MALRD1: variants seen among roughly 807,000 people sequenced by gnomAD.
MALRD1 encodes MAM and LDL-receptor class A domain-containing protein 1.
In MALRD1, 247 loss-of-function variants were observed where a neutral mutation model predicts 242.1. The observed-to-expected ratio is 1.02, with a 90% CI of 0.92 to 1.13. MALRD1 has a LOEUF of 1.13. Among genes scored for constraint, MALRD1 ranks in the 50% most tolerant of loss-of-function variants. The pLI is 0.00. For missense variants in MALRD1, 2,989 were observed against 2,533.1 expected (o/e 1.18, Z -3.86); for synonymous variants, 995 against 866.6 (o/e 1.15, Z -2.60).
chr10:19,519,587 A>G (rs1833787381), intron 31 of MALRD1, among the ~76,000 whole-genome samples: 1 of 152,042 alleles, frequency 6.6e-6, no homozygotes, highest in Non-Finnish European at 1.5e-5. Context: ...TGGGAGACAT[A>G]GTGAGACCCT....
At chr10:19,182,252 C>T (rs555997329) in intron 14 of MALRD1, among the ~76,000 whole-genome samples, 63 of 151,062 alleles carry the variant, frequency 4.2e-4, no homozygotes, top group African/African-American at 1.4e-3. Flanking sequence ...CCTCATTTTA[C>T]GAACTTTCTT....
At chr10:19,496,636 T>C (rs1837733218) in intron 30 of MALRD1, among the ~76,000 whole-genome samples, 1 of 152,046 alleles carries the variant, frequency 6.6e-6, no homozygotes, top group Non-Finnish European at 1.5e-5. Context: ...CCTCAAATAA[T>C]CTCAAATTAA....
intron 17 of MALRD1, among the ~76,000 whole-genome samples, chr10:19,207,468 C>G (rs1836833781): frequency 6.6e-6 from 1 of 151,984 alleles, no homozygotes; most frequent in Admixed American, 6.6e-5. Context: ...ATGTTTTTTC[C>G]TATACATACA....
chr10:19,328,770 T>A (rs1005260230), intron 23 of MALRD1, among the ~76,000 whole-genome samples: 4 of 152,152 alleles, frequency 2.6e-5, no homozygotes, highest in African/African-American at 9.7e-5. Context: ...AGGATATGCA[T>A]AAGAAGGAAG....
intron 21 of MALRD1, among the ~76,000 whole-genome samples, chr10:19,289,632 A>G (rs1201199802): frequency 1.3e-5 from 2 of 152,084 alleles, no homozygotes; most frequent in Non-Finnish European, 2.9e-5. Context: ...GCTTGAGATT[A>G]TTTCTTTTCT....
intron 32 of MALRD1, among the ~76,000 whole-genome samples, chr10:19,541,446 G>A (rs1185969618): frequency 1.3e-5 from 2 of 151,996 alleles, no homozygotes; most frequent in African/African-American, 4.8e-5. Context: ...AATATTCTAG[G>A]GCAATAGCTC....
At position 19,264,011 on chromosome 10, in the gene MALRD1, G is replaced by C. The variant is rs75049821; in HGVS notation, c.3079+6240G>C. 8.6e-3 allele frequency among the ~76,000 whole-genome samples: 1,305 copies of C among 152,228 alleles called. 14 individuals carry two copies. The highest frequency in any genetic ancestry group is 0.03 in the African/African-American group (1,237 of 41,538). ...TTAACTTTTTACCATTGAGTGTGAT[G>C]TTAACTTTGGGCTTGTACAGGGGTT... On this transcript the variant is annotated intron_variant, in intron 19 of 39. Transcript: ENST00000454679.
At chr10:19,194,132 A>G (rs1836124584) in intron 14 of MALRD1, among the ~76,000 whole-genome samples, 1 of 152,164 alleles carries the variant, frequency 6.6e-6, no homozygotes, top group South Asian at 2.1e-4. Flanking sequence ...AGTAGTGGGT[A>G]CTGTTATTAA....
chr10:19,118,029 A>G (rs911884133), intron 5 of MALRD1, among the ~76,000 whole-genome samples: 1 of 152,222 alleles, frequency 6.6e-6, no homozygotes, highest in East Asian at 1.9e-4. Flanking sequence ...AATAAAAAAT[A>G]TAGTTTATGT....
chr10:19,526,646 A>T (rs957921502), intron 31 of MALRD1, among the ~76,000 whole-genome samples: 2 of 152,138 alleles, frequency 1.3e-5, no homozygotes, highest in Admixed American at 1.3e-4. Context: ...AAGTGGCGAT[A>T]TACTTTGATA....
intron 20 of MALRD1, 120 bp from the exon 21 acceptor site, chr10:19,282,899 T>C: frequency 1.4e-6 from 1 of 691,850 alleles, no homozygotes; most frequent in Non-Finnish European, 2.1e-6. Context: ...CTAATTATTT[T>C]AATAATGTTT....
chr10:19,467,994 A>G (rs1836305866), intron 29 of MALRD1, among the ~76,000 whole-genome samples: 1 of 151,988 alleles, frequency 6.6e-6, no homozygotes, highest in South Asian at 2.1e-4. Context: ...GGGTTTCTCC[A>G]TGTTGGCCAG....
intron 14 of MALRD1, among the ~76,000 whole-genome samples, chr10:19,177,341 G>C (rs1835304539): frequency 6.7e-6 from 1 of 150,220 alleles, no homozygotes. Flanking sequence ...TATTTTTGTT[G>C]TTTAATTAAA....
intron 33 of MALRD1, among the ~76,000 whole-genome samples, chr10:19,589,089 T>C (rs942812069): frequency 2.6e-5 from 4 of 152,120 alleles, no homozygotes; most frequent in Non-Finnish European, 5.9e-5. Flanking sequence ...AAAAGGGATT[T>C]GGAGAAATTA....
intron 26 of MALRD1, among the ~76,000 whole-genome samples, chr10:19,368,416 T>C (rs1405003636): frequency 6.6e-6 from 1 of 152,128 alleles, no homozygotes; most frequent in Admixed American, 6.6e-5. Flanking sequence ...TTGTCAAAAA[T>C]CAATTGACTG....
Position 19,123,566 on chromosome 10 carries a change from T to C in MALRD1, c.769T>C (p.Phe257Leu). 1 of 1,233,518 alleles carries C rather than the reference T, an allele frequency of 8.1e-7. No homozygotes were observed. Among genetic ancestry groups the C allele is most frequent in the East Asian group, 3.2e-5 (1 of 31,698 alleles). 76.4% of individuals were successfully genotyped at this position (1,233,518 alleles called of 1,614,324 possible). Residue 257 changes from phenylalanine (F) to leucine (L), a missense_variant, in exon 6 of 40, where the codon TTT (phenylalanine) becomes CTT (leucine). Phe to Leu is a conservative substitution (Grantham distance 22). Transcript: ENST00000454679. ...CCATCCAGATACAGATCTCTGCAGA[T>C]TTGATGCTACAGATGAAGAGTTGAG... ...LCHPDTDLCR[F>L]DATDEELRLC...
chr10:19,394,309 C>G (rs74118919), intron 28 of MALRD1, among the ~76,000 whole-genome samples: 3,082 of 152,178 alleles, frequency 0.02, 97 homozygotes, highest in African/African-American at 0.07. Flanking sequence ...TATTTCTTGC[C>G]TCAGCTCACA....
chr10:19,381,649 G>A (rs902647222), intron 26 of MALRD1, among the ~76,000 whole-genome samples: 91 of 148,162 alleles, frequency 6.1e-4, no homozygotes, highest in Non-Finnish European at 4.5e-4. Context: ...CCTACATGGT[G>A]AAACTCTTTC....
intron 9 of MALRD1, among the ~76,000 whole-genome samples, chr10:19,134,746 A>T (rs1833267159): frequency 6.6e-6 from 1 of 152,198 alleles, no homozygotes; most frequent in African/African-American, 2.4e-5. Flanking sequence ...CTTTTTTTAT[A>T]AACTGAAGAT....
Sources: gnomAD v4.1 joint callset for allele counts (sites outside exome capture counted in the v4.1 genomes callset) on GRCh38, gnomAD v4.1.1 for gene constraint, MANE v1.5 for transcripts, NCBI Gene and HGNC (gene_info 2026-07-23, HGNC 2026-07-21) for gene names.